The following NRCAM variants were observed in gnomAD, a reference collection of about 807,000 sequenced individuals.
NRCAM encodes NgCAM-related cell adhesion molecule.
In NRCAM, 83 loss-of-function variants were observed where a neutral mutation model predicts 156.5. The ratio of observed to expected loss-of-function variants is 0.53; its 90% CI spans 0.44 to 0.64. The LOEUF (loss-of-function observed/expected upper bound fraction) is 0.64, where lower values mean the gene tolerates loss of function less well. Among genes scored for constraint, NRCAM ranks in the 30% least tolerant of loss-of-function variants. The pLI is 0.00. For missense variants in NRCAM, 1,417 were observed against 1,597.3 expected (o/e 0.89, Z 1.92); for synonymous variants, 538 against 563.9 (o/e 0.95, Z 0.65).
In NRCAM at chr7:108,427,989, A is replaced by G. The variant is rs529834282; in HGVS notation, c.-332+28254T>C. Among the ~76,000 whole-genome samples the G allele has an allele frequency of 3.9e-4, 59 of 152,332 alleles. 1 individual carries two copies. Among genetic ancestry groups the G allele is most frequent in the Admixed American group, 2.2e-3 (34 of 15,302 alleles). On this transcript the variant is annotated intron_variant, in intron 1 of 32. Coordinates refer to ENST00000379028, the MANE Select transcript of NRCAM (RefSeq NM_001037132.4). ...ATCTCTGTTGCCAGAGCTTAGATCC[A>G]TGACCTTCTAAAGTATGTATAATAA...
intron 30 of NRCAM, among the ~76,000 whole-genome samples, chr7:108,164,578 GC>G (rs2052559675): frequency 6.6e-6 from 1 of 151,772 alleles, no homozygotes; most frequent in Non-Finnish European, 1.5e-5. Flanking sequence ...GAGAGGAGGA[GC>G]AGGAGCAGGA....
intron 11 of NRCAM, among the ~76,000 whole-genome samples, chr7:108,219,828 A>G (rs1344056172): frequency 1.3e-5 from 2 of 152,204 alleles, no homozygotes; most frequent in Non-Finnish European, 2.9e-5. Flanking sequence ...CCTCTTCAAC[A>G]TAGTACTGGA....
intron 2 of NRCAM, among the ~76,000 whole-genome samples, chr7:108,383,493 C>T (rs59165275): frequency 6.6e-6 from 1 of 152,184 alleles, no homozygotes; most frequent in African/African-American, 2.4e-5. Context: ...ATGACAAGGG[C>T]TTGGTAACAC....
chr7:108,324,572 C>T (rs1010796232), intron 2 of NRCAM, among the ~76,000 whole-genome samples: 1 of 152,138 alleles, frequency 6.6e-6, no homozygotes, highest in African/African-American at 2.4e-5. Context: ...AAGACACCTG[C>T]TTTTCTTCAA....
At chr7:108,281,560 T>C (rs955423727) in intron 3 of NRCAM, among the ~76,000 whole-genome samples, 2 of 152,076 alleles carry the variant, frequency 1.3e-5, no homozygotes, top group Admixed American at 1.3e-4. Context: ...TGGCAAAAAT[T>C]TGAAAGGATG....
chr7:108,292,998 C>T (rs1006783196), intron 3 of NRCAM, among the ~76,000 whole-genome samples: 3 of 152,172 alleles, frequency 2.0e-5, no homozygotes, highest in Non-Finnish European at 4.4e-5. Flanking sequence ...AATCCATTTA[C>T]AAGTTACTCC....
At chr7:108,291,405 T>C (rs2098284600) in intron 3 of NRCAM, among the ~76,000 whole-genome samples, 3 of 152,216 alleles carry the variant, frequency 2.0e-5, no homozygotes, top group African/African-American at 7.2e-5. Flanking sequence ...TGATGCTATA[T>C]AATTAGAAAA....
chr7:108,150,859 C>T (rs75278886), intron 32 of NRCAM: 17 of 402,640 alleles, frequency 4.2e-5, no homozygotes, highest in Non-Finnish European at 7.4e-5. Context: ...TGGAAAGAGA[C>T]GCACTTTAAC....
intron 3 of NRCAM, among the ~76,000 whole-genome samples, chr7:108,251,064 G>C (rs984342159): frequency 6.6e-6 from 1 of 152,172 alleles, no homozygotes; most frequent in Non-Finnish European, 1.5e-5. Context: ...TGGTTGATAA[G>C]AATGTTAAAC....
intron 1 of NRCAM, among the ~76,000 whole-genome samples, chr7:108,422,385 A>G (rs1370514139): frequency 6.6e-6 from 1 of 152,152 alleles, no homozygotes; most frequent in Non-Finnish European, 1.5e-5. Flanking sequence ...CATTAAAAAA[A>G]CAATGCCAAA....
At chr7:108,380,989 G>C (rs540762602) in intron 2 of NRCAM, among the ~76,000 whole-genome samples, 1 of 152,218 alleles carries the variant, frequency 6.6e-6, no homozygotes, top group African/African-American at 2.4e-5. Context: ...AGGAATGCTT[G>C]AGCTCAGGTG....
Position 108,189,033 on chromosome 7 carries a change from C to T in NRCAM, c.2035+612G>A, listed in dbSNP as rs544669175. Among the ~76,000 whole-genome samples the T allele has an allele frequency of 1.6e-4, 22 of 136,026 alleles. No individual in the cohort carries two copies. The East Asian group carries it at 5.5e-3, about 34-fold the overall frequency. 89.2% of individuals were successfully genotyped at this position (136,026 alleles called of 152,430 possible). A position where few individuals can be genotyped will look rare whatever the true frequency, so the allele number is the denominator to read the frequency against. On this transcript the variant is annotated intron_variant, in intron 20 of 32. Transcript: ENST00000379028. ...TTACCTATAGTCTAATTTTATTATG[C>T]TCTTCTAGTATCCTTATGACATTGT... is the stretch of plus-strand genomic sequence containing the variant.
At chr7:108,177,411 C>G (rs1345268948) in intron 26 of NRCAM, among the ~76,000 whole-genome samples, 1 of 152,034 alleles carries the variant, frequency 6.6e-6, no homozygotes, top group Non-Finnish European at 1.5e-5. Context: ...ATCACGAGGT[C>G]AGGAGATCAA....
chr7:108,386,942 T>C (rs2099742569), intron 2 of NRCAM, among the ~76,000 whole-genome samples: 1 of 152,154 alleles, frequency 6.6e-6, no homozygotes, highest in African/African-American at 2.4e-5. Context: ...TTCAGAAGTT[T>C]ATATTTTACA....
intron 32 of NRCAM, among the ~76,000 whole-genome samples, chr7:108,152,273 A>G (rs2042101841): frequency 6.6e-6 from 1 of 152,116 alleles, no homozygotes; most frequent in Admixed American, 6.6e-5. Context: ...ATATCTGGTC[A>G]ACAACTTTAA....
chr7:108,194,517 C>G, intron 15 of NRCAM, 89 bp from the exon 16 acceptor site: 1 of 841,676 alleles, frequency 1.2e-6, no homozygotes, highest in Non-Finnish European at 1.8e-6. Context: ...TCAACATGAC[C>G]ATGATGAATG....
intron 1 of NRCAM, among the ~76,000 whole-genome samples, chr7:108,437,580 TA>T (rs1292116326): frequency 5.3e-5 from 8 of 151,852 alleles, no homozygotes; most frequent in African/African-American, 1.9e-4. Context: ...CCGCAAAAAT[TA>T]AAAATTTAAA....
chr7:108,417,864 C>A (rs894992400), intron 1 of NRCAM, among the ~76,000 whole-genome samples: 1 of 152,206 alleles, frequency 6.6e-6, no homozygotes, highest in Non-Finnish European at 1.5e-5. Flanking sequence ...CTTTCCAATA[C>A]TATGGCAGCC....
At chr7:108,359,032 G>A (rs944665982) in intron 2 of NRCAM, among the ~76,000 whole-genome samples, 1 of 152,304 alleles carries the variant, frequency 6.6e-6, no homozygotes, top group Admixed American at 6.5e-5. Context: ...ACCATATTTT[G>A]TCTAGTTCAT....
Sources: gnomAD v4.1 joint callset for allele counts (sites outside exome capture counted in the v4.1 genomes callset) on GRCh38, gnomAD v4.1.1 for gene constraint, MANE v1.5 for transcripts, NCBI Gene and HGNC (gene_info 2026-07-23, HGNC 2026-07-21) for gene names.